CFAP92: variants seen among roughly 807,000 people sequenced by gnomAD.
The protein encoded by CFAP92 is cilia and flagella associated protein 92 (putative).
CFAP92 carries 86 observed loss-of-function variants against 106.3 expected under a neutral mutation model. The ratio of observed to expected loss-of-function variants is 0.81; its 90% CI spans 0.68 to 0.97. The LOEUF is 0.97. Ranked by LOEUF, CFAP92 falls within the 50% of genes least tolerant of loss-of-function variation. The pLI is 0.00. For synonymous variants in CFAP92, 477 were observed against 506.4 expected (o/e 0.94, Z 0.78); for missense variants, 1,204 against 1,283.8 (o/e 0.94, Z 0.95).
chr3:128,983,464 G>A (rs2107804843), intron 4 of CFAP92, among the ~76,000 whole-genome samples: 1 of 152,316 alleles, frequency 6.6e-6, no homozygotes, highest in Non-Finnish European at 1.5e-5. Context: ...AGCCAGGACT[G>A]CACTCAGAGT....
intron 9 of CFAP92, among the ~76,000 whole-genome samples, chr3:128,951,097 T>G (rs1383777988): frequency 3.3e-5 from 5 of 152,148 alleles, no homozygotes; most frequent in Admixed American, 2.6e-4. Flanking sequence ...TAGCTGGGTG[T>G]GGTGCCAGGC....
At chr3:128,999,431 A>G (rs1357852662) in intron 1 of CFAP92, among the ~76,000 whole-genome samples, 1 of 151,986 alleles carries the variant, frequency 6.6e-6, no homozygotes, top group African/African-American at 2.4e-5. Context: ...CTACTGTTCA[A>G]AGGATTCCTT....
At chr3:129,003,227 C>A, upstream of CFAP92, 2 of 985,384 alleles carry the variant, frequency 2.0e-6, no homozygotes, top group Non-Finnish European at 2.4e-6. Context: ...TGTGGAATCC[C>A]AAGTAACGTA....
intron 9 of CFAP92, among the ~76,000 whole-genome samples, chr3:128,946,761 T>C (rs1940257324): frequency 1.3e-5 from 2 of 152,100 alleles, no homozygotes; most frequent in Admixed American, 1.3e-4. Context: ...ATCAAGAAAG[T>C]TCCATTGAAC....
At chr3:129,023,524 A>G in the CFAP92 span, among the ~76,000 whole-genome samples, 30 of 152,100 alleles carry the variant, frequency 2.0e-4, 1 homozygote, top group East Asian at 9.7e-4. Context: ...AGTAGAGACG[A>G]GGTTTCACCA....
intron 15 of CFAP92, among the ~76,000 whole-genome samples, chr3:128,911,893 T>C (rs775737803): frequency 1.3e-5 from 2 of 152,200 alleles, no homozygotes; most frequent in Non-Finnish European, 2.9e-5. Context: ...TCTCAGGCCT[T>C]GGCCTAGAGA....
At chr3:128,973,715 G>T (rs1487404743) in intron 7 of CFAP92, among the ~76,000 whole-genome samples, 3 of 150,906 alleles carry the variant, frequency 2.0e-5, no homozygotes, top group African/African-American at 4.9e-5. Context: ...CTAGCATCTA[G>T]CAATGGGGTC....
At chr3:128,938,555 G>A (rs1007631988) in intron 10 of CFAP92, among the ~76,000 whole-genome samples, 2 of 149,954 alleles carry the variant, frequency 1.3e-5, no homozygotes, top group African/African-American at 4.9e-5. Flanking sequence ...GTACAGTGGC[G>A]CGATCTCGGC....
the CFAP92 span, among the ~76,000 whole-genome samples, chr3:129,011,925 T>C: frequency 6.6e-6 from 1 of 152,158 alleles, no homozygotes; most frequent in Non-Finnish European, 1.5e-5. Context: ...TAGACAGGGA[T>C]GGTAATCTGC....
chr3:129,003,615 G>A (rs1229090666), upstream of CFAP92, among the ~76,000 whole-genome samples: 1 of 152,220 alleles, frequency 6.6e-6, no homozygotes, highest in Non-Finnish European at 1.5e-5. Flanking sequence ...GATGTGGCGA[G>A]GGTTAAAGGA....
intron 7 of CFAP92, among the ~76,000 whole-genome samples, chr3:128,974,964 C>T (rs890990009): frequency 2.0e-5 from 3 of 148,646 alleles, no homozygotes; most frequent in African/African-American, 7.5e-5. Context: ...AATAAAAACA[C>T]AAAAAATTAG....
intron 10 of CFAP92, among the ~76,000 whole-genome samples, chr3:128,943,699 G>A (rs551703508): frequency 1.3e-5 from 2 of 150,860 alleles, no homozygotes; most frequent in Non-Finnish European, 3.0e-5. Context: ...CCATGCCTGG[G>A]TAAGTTTTTC....
intron 2 of CFAP92, among the ~76,000 whole-genome samples, chr3:128,989,910 T>A (rs1944107546): frequency 6.6e-6 from 1 of 152,238 alleles, no homozygotes; most frequent in South Asian, 2.1e-4. Flanking sequence ...CCTCTCATTT[T>A]CTGTAGACAG....
chr3:128,987,910 G>T, intron 3 of CFAP92, 81 bp from the exon 4 acceptor site: 3 of 1,236,774 alleles, frequency 2.4e-6, no homozygotes, highest in East Asian at 2.5e-5. Flanking sequence ...CCCAGCCCCA[G>T]CCTGGCCCTC....
intron 1 of CFAP92, 119 bp downstream of exon 1, chr3:128,993,861 G>T (rs752201293): frequency 1.8e-5 from 14 of 767,810 alleles, no homozygotes; most frequent in Non-Finnish European, 2.2e-5. Flanking sequence ...CCATGGAGGC[G>T]GAACGCCGGG....
At chr3:128,982,681 G>A (rs1400001673) in intron 4 of CFAP92, among the ~76,000 whole-genome samples, 1 of 152,202 alleles carries the variant, frequency 6.6e-6, no homozygotes, top group Non-Finnish European at 1.5e-5. Context: ...AGGGAGAGAT[G>A]TGCAAGGCCT....
At chr3:128,995,250 G>A (rs928424203), upstream of CFAP92, among the ~76,000 whole-genome samples, 6 of 152,222 alleles carry the variant, frequency 3.9e-5, no homozygotes, top group Non-Finnish European at 8.8e-5. Context: ...TCCCCAGACC[G>A]CTCTCAGGGC....
chr3:128,988,495 G>T (rs1424686818), intron 3 of CFAP92, among the ~76,000 whole-genome samples: 1 of 151,762 alleles, frequency 6.6e-6, no homozygotes, highest in African/African-American at 2.4e-5. Flanking sequence ...AGCAAAGATT[G>T]CACCACTCTA....
At chr3:128,993,493 T>A (rs2107827984) in intron 1 of CFAP92, 157 bp from the exon 2 acceptor site, 1 of 684,446 alleles carries the variant, frequency 1.5e-6, no homozygotes, top group Non-Finnish European at 2.4e-6. Context: ...TGCCACACAG[T>A]CGGTACTCAA....
Sources: allele counts gnomAD v4.1 joint callset (sites outside exome capture counted in the v4.1 genomes callset), GRCh38; gene constraint gnomAD v4.1.1; transcripts MANE v1.5; gene names NCBI Gene and HGNC (gene_info 2026-07-23, HGNC 2026-07-21).